The following XYLT1 variants were observed in gnomAD, a reference collection of about 807,000 sequenced individuals.
XYLT1 encodes the protein xylosyltransferase 1.
In XYLT1, 36 loss-of-function variants were observed where a neutral mutation model predicts 91.3. That is an observed-to-expected ratio of 0.39 (90% confidence interval 0.30 to 0.52). The LOEUF (loss-of-function observed/expected upper bound fraction) is 0.52. Ranked by LOEUF, XYLT1 falls within the 20% of genes least tolerant of loss-of-function variation. XYLT1 has a pLI of 0.68. For missense variants in XYLT1, 1,242 were observed against 1,284.5 expected (o/e 0.97, Z 0.51); for synonymous variants, 588 against 532.0 (o/e 1.11, Z -1.45).
intron 1 of XYLT1, among the ~76,000 whole-genome samples, chr16:17,399,831 G>T (rs1191879740): frequency 4.0e-5 from 6 of 151,536 alleles, no homozygotes; most frequent in Non-Finnish European, 8.8e-5. Flanking sequence ...TTAATTTTAA[G>T]CCATTGACAG....
chr16:17,441,268 T>G (rs1435357957), intron 1 of XYLT1, among the ~76,000 whole-genome samples: 5 of 152,082 alleles, frequency 3.3e-5, no homozygotes, highest in Admixed American at 6.5e-5. Context: ...AATTCATAAG[T>G]GGTTATATAG....
At chr16:17,232,429 G>GTGTGTGTGTATATATATATA (rs1194509016) in intron 3 of XYLT1, among the ~76,000 whole-genome samples, 13 of 121,716 alleles carry the variant, frequency 1.1e-4, no homozygotes, top group Non-Finnish European at 2.0e-4. Context: ...GTGTGTGTGT[G>GTGTGTGTGTATATATATATA]TATATATATA....
intron 1 of XYLT1, among the ~76,000 whole-genome samples, chr16:17,385,122 C>A (rs1277529640): frequency 6.6e-6 from 1 of 151,748 alleles, no homozygotes; most frequent in African/African-American, 2.4e-5. Flanking sequence ...AGCAGAGAGA[C>A]ATGATCCGAT....
intron 1 of XYLT1, among the ~76,000 whole-genome samples, chr16:17,413,614 T>C (rs1295255515): frequency 6.6e-6 from 1 of 152,068 alleles, no homozygotes; most frequent in Non-Finnish European, 1.5e-5. Flanking sequence ...ATTTTTGTAT[T>C]TTTTGTAGAG....
intron 2 of XYLT1, among the ~76,000 whole-genome samples, chr16:17,301,623 G>A (rs532972922): frequency 1.3e-5 from 2 of 152,186 alleles, no homozygotes; most frequent in South Asian, 2.1e-4. Context: ...AAGCAGATGG[G>A]GTGACATTTA....
At chr16:17,322,165 G>T (rs78477699) in intron 2 of XYLT1, among the ~76,000 whole-genome samples, 1,814 of 152,192 alleles carry the variant, frequency 0.012, 19 homozygotes, top group Non-Finnish European at 0.017. Flanking sequence ...AAGACAGCGG[G>T]GACAGCAAGG....
intron 1 of XYLT1, among the ~76,000 whole-genome samples, chr16:17,444,791 C>A (rs1463892729): frequency 6.6e-6 from 1 of 152,152 alleles, no homozygotes; most frequent in Non-Finnish European, 1.5e-5. Context: ...GTCGCAAGAA[C>A]CTAGTGCAGT....
Position 17,327,531 on chromosome 16 carries a change from T to G in XYLT1, c.402+30481A>C, listed in dbSNP as rs558317775. On this transcript the variant is annotated intron_variant, in intron 2 of 11. Transcript: ENST00000261381. Reference sequence around the variant, plus strand: ...GCACCCACCACCATGCCCGGCTAATTTTTTGTATTTTTAGTAGAGACGGAG... The same window carrying G: ...GCACCCACCACCATGCCCGGCTAATGTTTTGTATTTTTAGTAGAGACGGAG... Among the ~76,000 whole-genome samples the G allele has an allele frequency of 5.6e-3, 814 of 146,510 alleles. 9 individuals are homozygous for G. The highest frequency in any genetic ancestry group is 0.02 in the African/African-American group (770 of 39,120).
chr16:17,456,140 G>A (rs988877288), intron 1 of XYLT1, among the ~76,000 whole-genome samples: 1 of 152,036 alleles, frequency 6.6e-6, no homozygotes, highest in Non-Finnish European at 1.5e-5. Flanking sequence ...TCAGGGTGAG[G>A]GTACTTCTAC....
chr16:17,177,978 A>G (rs895434680), intron 5 of XYLT1, among the ~76,000 whole-genome samples: 1 of 152,208 alleles, frequency 6.6e-6, no homozygotes, highest in African/African-American at 2.4e-5. Flanking sequence ...GGATTCAATG[A>G]CATTAACCTT....
chr16:17,368,566 T>TA (rs1246816325), intron 1 of XYLT1, among the ~76,000 whole-genome samples: 2 of 151,148 alleles, frequency 1.3e-5, no homozygotes, highest in African/African-American at 4.9e-5. Context: ...TAGATAGATT[T>TA]TTTTTTTTTT....
chr16:17,138,917 G>C (rs1341038446), intron 7 of XYLT1, among the ~76,000 whole-genome samples: 1 of 152,178 alleles, frequency 6.6e-6, no homozygotes, highest in Non-Finnish European at 1.5e-5. Context: ...TGACTGACTG[G>C]TGTGCTGGAA....
chr16:17,290,040 G>A (rs2034198396), intron 2 of XYLT1, among the ~76,000 whole-genome samples: 2 of 152,160 alleles, frequency 1.3e-5, no homozygotes, highest in African/African-American at 4.8e-5. Flanking sequence ...TCTCTTTCTT[G>A]TTCTTTTTGC....
rs1017616120 is a variant in XYLT1 at position 17,315,163 on chromosome 16, G to T, written c.402+42849C>A. On this transcript the variant is annotated intron_variant, in intron 2 of 11. Coordinates refer to ENST00000261381, the MANE Select transcript of XYLT1 (RefSeq NM_022166.4). ...AGAAAAAAGCCAGGCAAGTCCTTAGGAGAAAATCCATTCTCCTTCCTAGGA... is the reference window on the plus strand; with the variant it reads ...AGAAAAAAGCCAGGCAAGTCCTTAGTAGAAAATCCATTCTCCTTCCTAGGA... 1.4e-4 allele frequency among the ~76,000 whole-genome samples: 21 copies of T among 152,188 alleles called. 1 individual carries two copies. The highest frequency in any genetic ancestry group is 2.0e-4 in the Admixed American group (3 of 15,276).
At chr16:17,128,983 A>AATT (rs1212711918) in intron 9 of XYLT1, among the ~76,000 whole-genome samples, 3 of 149,122 alleles carry the variant, frequency 2.0e-5, no homozygotes, top group Admixed American at 6.8e-5. Context: ...CTTTATGTCC[A>AATT]ATTATAACAG....
chr16:17,267,551 C>T (rs928532734), intron 2 of XYLT1, among the ~76,000 whole-genome samples: 6 of 152,192 alleles, frequency 3.9e-5, no homozygotes, highest in Non-Finnish European at 7.3e-5. Flanking sequence ...GGACTACAGG[C>T]GCCCGCCACC....
At chr16:17,143,193 A>G (rs1360179545) in intron 6 of XYLT1, among the ~76,000 whole-genome samples, 1 of 152,198 alleles carries the variant, frequency 6.6e-6, no homozygotes, top group Non-Finnish European at 1.5e-5. Flanking sequence ...TCCATTAGCA[A>G]TTAGCATTCA....
chr16:17,468,391 C>T (rs1469896942), intron 1 of XYLT1, among the ~76,000 whole-genome samples: 1 of 151,964 alleles, frequency 6.6e-6, no homozygotes, highest in African/African-American at 2.4e-5. Context: ...CATAAATGTC[C>T]ATCTTGGAAG....
intron 1 of XYLT1, among the ~76,000 whole-genome samples, chr16:17,375,513 T>G (rs928623039): frequency 3.5e-5 from 3 of 86,436 alleles, no homozygotes; most frequent in Non-Finnish European, 7.8e-5. Flanking sequence ...CAGAAAAGAT[T>G]AGACGAGAGG....
Sources: gnomAD v4.1 joint callset for allele counts (sites outside exome capture counted in the v4.1 genomes callset) on GRCh38, gnomAD v4.1.1 for gene constraint, MANE v1.5 for transcripts, NCBI Gene and HGNC (gene_info 2026-07-23, HGNC 2026-07-21) for gene names.